The following SFT2D1 variants were observed in gnomAD, a reference collection of about 807,000 sequenced individuals.
SFT2D1 encodes vesicle transport protein SFT2A.
SFT2D1 carries 24 observed loss-of-function variants against 28.1 expected under a neutral mutation model. That is an observed-to-expected ratio of 0.85 (90% CI 0.62 to 1.20). The LOEUF (loss-of-function observed/expected upper bound fraction) is 1.20. SFT2D1 is among the 50% of genes most tolerant of loss of function. The pLI is 0.00. For synonymous variants in SFT2D1, 82 were observed against 73.7 expected (o/e 1.11, Z -0.58); for missense variants, 181 against 190.9 (o/e 0.95, Z 0.31).
chr6:166,338,968 G>A (rs1778718217), intron 1 of SFT2D1, among the ~76,000 whole-genome samples: 1 of 151,918 alleles, frequency 6.6e-6, no homozygotes, highest in Non-Finnish European at 1.5e-5. Flanking sequence ...TCACTGCCTC[G>A]CCCAACTCCT....
chr6:166,325,228 C>T (rs187921572), intron 5 of SFT2D1, among the ~76,000 whole-genome samples: 243 of 151,958 alleles, frequency 1.6e-3, no homozygotes, highest in Non-Finnish European at 2.1e-3. Flanking sequence ...AGAAATGACA[C>T]GTAAATCAAT....
chr6:166,328,906 A>C (rs569877189), intron 3 of SFT2D1, among the ~76,000 whole-genome samples: 25 of 152,360 alleles, frequency 1.6e-4, no homozygotes, highest in African/African-American at 5.5e-4. Context: ...TACTCCCAAT[A>C]TAAAGTAGCC....
chr6:166,327,656 G>A (rs1778472461), intron 4 of SFT2D1, among the ~76,000 whole-genome samples: 1 of 152,064 alleles, frequency 6.6e-6, no homozygotes, highest in Non-Finnish European at 1.5e-5. Context: ...CATCAGCAGG[G>A]CTTAAAAATG....
At chr6:166,327,304 T>TC (rs1778463947) in intron 4 of SFT2D1, among the ~76,000 whole-genome samples, 1 of 151,648 alleles carries the variant, frequency 6.6e-6, no homozygotes, top group South Asian at 2.1e-4. Context: ...GAGATTTGGG[T>TC]CCCCCTCCTG....
At chr6:166,337,877 C>A (rs1048528871) in intron 1 of SFT2D1, among the ~76,000 whole-genome samples, 2 of 152,092 alleles carry the variant, frequency 1.3e-5, no homozygotes, top group African/African-American at 4.8e-5. Context: ...GAAGATGGCC[C>A]TTCAGGAGAT....
At chr6:166,335,485 T>G (rs1174495759) in intron 1 of SFT2D1, 2 of 519,070 alleles carry the variant, frequency 3.9e-6, no homozygotes, top group African/African-American at 3.9e-5. Context: ...TTTACTTTAC[T>G]TTACAAAACC....
chr6:166,328,355 G>T lies in SFT2D1; in HGVS notation c.236C>A (p.Thr79Lys). 1 of 1,565,446 alleles carries T rather than the reference G, an allele frequency of 6.4e-7. No individual in the cohort carries two copies. The highest frequency in any genetic ancestry group is 8.7e-7 in the Non-Finnish European group (1 of 1,154,282). The change falls in exon 4 of 8, where the codon ACA (threonine) becomes AAA (lysine). Residue 79 changes from threonine (T) to lysine (K), a missense_variant and splice_region_variant. Transcript: ENST00000361731. Reference protein sequence around the residue: ...TLGNLAALASTCFLMGPVKQL... With the variant: ...TLGNLAALASKCFLMGPVKQL... The stretch of plus-strand genomic sequence containing the variant: ...CTTCACAGGTCCCATTAAAAAGCAT[G>T]TACTATTTGAAACAAATAAAGTGAC...
At chr6:166,334,352 T>G (rs140851195) in intron 1 of SFT2D1, among the ~76,000 whole-genome samples, 2 of 152,360 alleles carry the variant, frequency 1.3e-5, no homozygotes, top group Non-Finnish European at 2.9e-5. Flanking sequence ...CCTGGCACTT[T>G]GGGAAGCTGA....
chr6:166,334,598 C>T, intron 1 of SFT2D1: 1 of 184,944 alleles, frequency 5.4e-6, no homozygotes, highest in Admixed American at 5.9e-5. Flanking sequence ...GCCTAAACAG[C>T]TGTGGAAGCT....
chr6:166,322,449 T>C (rs1778373167), intron 7 of SFT2D1, among the ~76,000 whole-genome samples: 1 of 152,004 alleles, frequency 6.6e-6, no homozygotes, highest in Admixed American at 6.6e-5. Context: ...CCCAGCACTT[T>C]GGGAGGCTGA....
At chr6:166,328,429 T>C in intron 3 of SFT2D1, 72 bp from the exon 4 acceptor site, 1 of 924,518 alleles carries the variant, frequency 1.1e-6, no homozygotes, top group African/African-American at 1.7e-5. Context: ...ATAAACTACT[T>C]TTTTAAAAAA....
At position 166,322,840 on chromosome 6, in the gene SFT2D1, G is replaced by T. The variant is rs746812923; in HGVS notation, c.440+17C>A. ...AAGTAAAGAACCAGAAAGAAGACAAGATTCAAACAAGCTTACCTTGCATAT... is the reference window on the plus strand; with the variant it reads ...AAGTAAAGAACCAGAAAGAAGACAATATTCAAACAAGCTTACCTTGCATAT... On this transcript the variant is annotated intron_variant, in intron 7 of 7. Coordinates refer to ENST00000361731, the MANE Select transcript of SFT2D1 (RefSeq NM_145169.3). 1 of 1,603,264 alleles carries T rather than the reference G, an allele frequency of 6.2e-7. No individual in the cohort carries two copies. The highest frequency in any genetic ancestry group is 1.1e-5 in the South Asian group (1 of 90,356).
intron 4 of SFT2D1, among the ~76,000 whole-genome samples, chr6:166,327,818 T>C (rs1778476261): frequency 1.3e-5 from 2 of 152,172 alleles, no homozygotes; most frequent in African/African-American, 2.4e-5. Flanking sequence ...TTTTGGTTTT[T>C]AGATGGAGCT....
Position 166,328,341 on chromosome 6 carries a change from C to A in SFT2D1, c.250G>T (p.Gly84Ter). 1 of 1,584,218 alleles carries A rather than the reference C, an allele frequency of 6.3e-7. No individual in the cohort carries two copies. The highest frequency in any genetic ancestry group is 8.6e-7 in the Non-Finnish European group (1 of 1,164,618). The change falls in exon 4 of 8, where the codon GGA becomes TGA. Residue 84 changes from glycine to a stop codon, truncating the protein, a stop_gained. Transcript: ENST00000361731. LOFTEE classifies it high-confidence loss of function. ...AALASTCFLM[G>*]PVKQLKKMFE... Reference sequence around the variant, plus strand: ...ATTTTCTTCAGTTGCTTCACAGGTCCCATTAAAAAGCATGTACTATTTGAA... The same window carrying A: ...ATTTTCTTCAGTTGCTTCACAGGTCACATTAAAAAGCATGTACTATTTGAA...
intron 4 of SFT2D1, among the ~76,000 whole-genome samples, chr6:166,328,037 A>T (rs929255755): frequency 6.6e-6 from 1 of 152,042 alleles, no homozygotes; most frequent in South Asian, 2.1e-4. Flanking sequence ...CCATCAGGTG[A>T]TCCGCCCACC....
chr6:166,320,555 C>CT (rs34877356), intron 7 of SFT2D1, among the ~76,000 whole-genome samples: 35,609 of 151,104 alleles, frequency 0.24, 4,316 homozygotes, highest in East Asian at 0.34. Flanking sequence ...TAACTTTTTT[C>CT]TTTTTTTTTC....
chr6:166,329,646 T>C, intron 2 of SFT2D1, 57 bp from the exon 3 acceptor site: 1 of 1,372,746 alleles, frequency 7.3e-7, no homozygotes, highest in South Asian at 1.4e-5. Context: ...ATGGTTAAAA[T>C]ATAAACGTGC....
At chr6:166,320,913 G>A (rs2114886508) in intron 7 of SFT2D1, among the ~76,000 whole-genome samples, 2 of 152,334 alleles carry the variant, frequency 1.3e-5, no homozygotes, top group South Asian at 4.1e-4. Context: ...AGACCAGCCT[G>A]GCCAACATGG....
chr6:166,335,893 T>TA (rs1778640502), intron 1 of SFT2D1, among the ~76,000 whole-genome samples: 1 of 152,232 alleles, frequency 6.6e-6, no homozygotes, highest in Admixed American at 6.5e-5. Context: ...AGATATGTTT[T>TA]AGACAATACT....
Sources: allele counts gnomAD v4.1 joint callset (sites outside exome capture counted in the v4.1 genomes callset), GRCh38; gene constraint gnomAD v4.1.1; transcripts MANE v1.5; gene names NCBI Gene and HGNC (gene_info 2026-07-23, HGNC 2026-07-21).